Variants in VRK3 observed in about 807,000 individuals in gnomAD.
The protein encoded by VRK3 is serine/threonine-protein kinase VRK3.
A neutral mutation model predicts 60.4 loss-of-function variants in VRK3; 50 were observed. The ratio of observed to expected loss-of-function variants is 0.83; its 90% confidence interval spans 0.66 to 1.05. The LOEUF (loss-of-function observed/expected upper bound fraction) is 1.05, where lower values mean the gene tolerates loss of function less well. Ranked by LOEUF, VRK3 falls within the 50% of genes least tolerant of loss-of-function variation. VRK3 has a pLI of 0.00. For missense variants in VRK3, 549 were observed against 585.3 expected (o/e 0.94, Z 0.64); for synonymous variants, 246 against 227.8 (o/e 1.08, Z -0.72).
At chr19:49,981,526 C>A in intron 12 of VRK3, 1 of 278,048 alleles carries the variant, frequency 3.6e-6, no homozygotes, top group Non-Finnish European at 5.5e-6. Flanking sequence ...GCCTGGGCGA[C>A]AGAGAGAGAC....
intron 10 of VRK3, among the ~76,000 whole-genome samples, chr19:49,991,965 A>G (rs577842643): frequency 6.6e-6 from 1 of 152,258 alleles, no homozygotes; most frequent in Non-Finnish European, 1.5e-5. Flanking sequence ...ACTTTAAAAT[A>G]CTATTTAATC....
chr19:49,976,831 C>T (rs2076338136), intron 14 of VRK3, 47 bp from the exon 15 acceptor site: 1 of 152,182 alleles, frequency 6.6e-6, no homozygotes, highest in African/African-American at 2.4e-5. Context: ...ATTCAAGGAA[C>T]ACCCTCTATG....
intron 2 of VRK3, among the ~76,000 whole-genome samples, chr19:50,020,040 C>G (rs1310422158): frequency 1.3e-5 from 2 of 148,690 alleles, no homozygotes; most frequent in East Asian, 1.9e-4. Context: ...CCACACCCAG[C>G]TAATTTTTTT....
At chr19:49,979,540 T>G (rs762594011) in intron 13 of VRK3, among the ~76,000 whole-genome samples, 2 of 152,168 alleles carry the variant, frequency 1.3e-5, no homozygotes, top group Non-Finnish European at 2.9e-5. Flanking sequence ...TCCCCTGGCC[T>G]GCAGTGTTTT....
intron 4 of VRK3, among the ~76,000 whole-genome samples, chr19:50,008,417 T>TCC (rs1262687895): frequency 6.6e-6 from 1 of 152,062 alleles, no homozygotes; most frequent in Non-Finnish European, 1.5e-5. Flanking sequence ...CCACCCACCA[T>TCC]CCCCTAAAGG....
At chr19:49,980,058 T>C (rs904500727) in intron 13 of VRK3, among the ~76,000 whole-genome samples, 1 of 150,950 alleles carries the variant, frequency 6.6e-6, no homozygotes, top group East Asian at 1.9e-4. Context: ...TCAAAAAAAA[T>C]AATAAAATAA....
At position 49,994,928 on chromosome 19, in the gene VRK3, C is replaced by G; in HGVS notation, c.765-9G>C. 1 of 1,612,910 alleles carries G rather than the reference C, an allele frequency of 6.2e-7. No homozygotes were observed. The highest frequency in any genetic ancestry group is 1.1e-5 in the South Asian group (1 of 90,902). On this transcript the variant is annotated splice_polypyrimidine_tract_variant and intron_variant, in intron 8 of 14. Transcript: ENST00000316763. ...TGGGTAACACCAAGAACCTGGAAGA[C>G]ACAAGCACCCCAGGAGGTGGGAGAT...
At chr19:50,023,748 T>G (rs865864822) in intron 1 of VRK3, among the ~76,000 whole-genome samples, 2,434 of 146,746 alleles carry the variant, frequency 0.017, 32 homozygotes, top group Middle Eastern at 0.032. Flanking sequence ...GTGGGGGGGG[T>G]CCCCAGCTGT....
chr19:49,998,806 A>T (rs749889540), intron 6 of VRK3: 3 of 150,092 alleles, frequency 2.0e-5, no homozygotes, highest in Non-Finnish European at 4.4e-5. Context: ...ACACACACAC[A>T]CGCACACACA....
intron 1 of VRK3, among the ~76,000 whole-genome samples, chr19:50,024,222 G>A (rs2077223499): frequency 6.6e-6 from 1 of 152,222 alleles, no homozygotes; most frequent in Non-Finnish European, 1.5e-5. Context: ...ACAGGCGGGA[G>A]CCACCGTGCC....
In VRK3 at chr19:49,997,515, T is replaced by A. The variant is rs764200963; in HGVS notation, c.668A>T (p.Lys223Met). The A allele has an allele frequency of 6.2e-7, 1 of 1,614,006 alleles. No individual in the cohort carries two copies. The highest frequency in any genetic ancestry group is 1.1e-5 in the South Asian group (1 of 91,050). The part of the protein sequence containing the change: ...NEQNFFQRAA[K>M]PLQVNKWKKL... ...TCCCTGTCAGGTACCTTGCAGAGGC[T>A]TGGCGGCCCGCTGGAAGAAGTTCTG... Residue 223 changes from lysine (K) to methionine (M), a missense_variant, in exon 7 of 15, where the codon AAG becomes ATG. Lys to Met is a moderately conservative substitution (Grantham distance 95, BLOSUM62 -1). Coordinates refer to ENST00000316763, the MANE Select transcript of VRK3 (RefSeq NM_016440.4).
In VRK3 at chr19:49,981,016, G is replaced by A; in HGVS notation, c.1218-3C>T. The A allele has an allele frequency of 6.2e-7, 1 of 1,612,006 alleles. No homozygotes were observed. The highest frequency in any genetic ancestry group is 8.5e-7 in the Non-Finnish European group (1 of 1,179,072). On this transcript the variant is annotated splice_region_variant and splice_polypyrimidine_tract_variant and intron_variant, in intron 12 of 14. Coordinates refer to ENST00000316763, the MANE Select transcript of VRK3 (RefSeq NM_016440.4). Reference sequence around the variant, plus strand: ...AGGGCCCCGGCTTATCAACAAACCTGAAGGGACAGAAACACATGTGAAAGG... The same window carrying A: ...AGGGCCCCGGCTTATCAACAAACCTAAAGGGACAGAAACACATGTGAAAGG...
At chr19:49,996,412 C>G (rs1283213952) in intron 7 of VRK3, among the ~76,000 whole-genome samples, 1 of 152,018 alleles carries the variant, frequency 6.6e-6, no homozygotes, top group Non-Finnish European at 1.5e-5. Flanking sequence ...CAACTCCAAG[C>G]TACCAACATG....
intron 3 of VRK3, among the ~76,000 whole-genome samples, chr19:50,010,466 G>GTT (rs1460023180): frequency 1.3e-5 from 2 of 152,306 alleles, no homozygotes; most frequent in East Asian, 3.9e-4. Flanking sequence ...TTTAAAGGAT[G>GTT]TTTTCCAAGA....
chr19:50,005,608 G>A (rs2076877551), intron 5 of VRK3, among the ~76,000 whole-genome samples: 1 of 149,866 alleles, frequency 6.7e-6, no homozygotes. Flanking sequence ...ACAGCCCAAA[G>A]CGGAAACTAC....
At chr19:49,980,853 TA>T (rs1453732091) in intron 13 of VRK3, 101 bp downstream of exon 13, 315 of 1,049,108 alleles carry the variant, frequency 3.0e-4, no homozygotes, top group South Asian at 4.3e-4. Context: ...TTTGGAAAAC[TA>T]AAAAAAATGA....
intron 12 of VRK3, among the ~76,000 whole-genome samples, chr19:49,987,106 C>T (rs567543293): frequency 2.8e-4 from 42 of 152,348 alleles, no homozygotes; most frequent in African/African-American, 8.7e-4. Flanking sequence ...GAACTGCTGA[C>T]CTCGAGATCC....
At chr19:50,000,640 C>T in intron 6 of VRK3, 150 bp downstream of exon 6, 1 of 869,632 alleles carries the variant, frequency 1.1e-6, no homozygotes, top group Non-Finnish European at 1.8e-6. Flanking sequence ...AACTGGGCGC[C>T]TGCCCCGCCC....
At chr19:49,993,768 C>A (rs1456561530) in intron 9 of VRK3, among the ~76,000 whole-genome samples, 1 of 152,042 alleles carries the variant, frequency 6.6e-6, no homozygotes, top group Non-Finnish European at 1.5e-5. Context: ...CCTCTTTGAC[C>A]CCAGGGCTCT....
Sources: allele counts gnomAD v4.1 joint callset (sites outside exome capture counted in the v4.1 genomes callset), GRCh38; gene constraint gnomAD v4.1.1; transcripts MANE v1.5; gene names NCBI Gene and HGNC (gene_info 2026-07-23, HGNC 2026-07-21).